The following P2RX1 variants were observed in gnomAD, a reference collection of about 807,000 sequenced individuals.
P2RX1 encodes the protein P2X purinoceptor 1.
P2RX1 carries 42 observed loss-of-function variants against 50.3 expected under a neutral mutation model. The observed-to-expected ratio is 0.83, with a 90% CI of 0.65 to 1.08. P2RX1 has a LOEUF of 1.08. Ranked by LOEUF, P2RX1 falls within the 50% of genes least tolerant of loss-of-function variation. P2RX1 has a pLI of 0.00. For missense variants in P2RX1, 449 were observed against 529.0 expected, an observed-to-expected ratio of 0.85 and a Z score of 1.48; for synonymous variants, 199 against 202.6, an observed-to-expected ratio of 0.98 and a Z score of 0.15.
In P2RX1 at chr17:3,903,597, G is replaced by T. The variant is rs771304901; in HGVS notation, c.559C>A (p.Leu187Ile). Residue 187 changes from leucine to isoleucine, a missense_variant, in exon 6 of 12, where the codon CTT (leucine) becomes ATT (isoleucine). Leu to Ile is a conservative substitution (Grantham distance 5). Coordinates refer to ENST00000225538, the MANE Select transcript of P2RX1 (RefSeq NM_002558.4). This position sits in a 1 kb window ranked among gnomAD's most constrained non-coding sequence, Gnocchi z 4.6. Reference sequence around the variant, plus strand: ...AAGCTGATGCTGTTCTTGATGAAAAGAGTGAAGTTCTCGGCCTCTCGGAGA... The same window carrying T: ...AAGCTGATGCTGTTCTTGATGAAAATAGTGAAGTTCTCGGCCTCTCGGAGA... Reference protein sequence around the residue: ...ALLREAENFTLFIKNSISFPR... With the variant: ...ALLREAENFTIFIKNSISFPR... The T allele has an allele frequency of 5.6e-6, 9 of 1,614,208 alleles. No individual in the cohort carries two copies. Among genetic ancestry groups the T allele is most frequent in the East Asian group, 2.2e-5 (1 of 44,880 alleles).
rs2143941443 is a variant in P2RX1 at position 3,897,371 on chromosome 17, G to A, written c.*443C>T. The A allele has an allele frequency of 3.7e-6, 1 of 269,346 alleles. No homozygotes were observed. The highest frequency in any genetic ancestry group is 7.5e-6 in the Non-Finnish European group (1 of 134,140). 16.7% of individuals were successfully genotyped at this position (269,346 alleles called of 1,614,324 possible). A position where few individuals can be genotyped will look rare whatever the true frequency, so the allele number is the denominator to read the frequency against. On this transcript the variant is annotated 3_prime_UTR_variant, in exon 12 of 12. Coordinates refer to ENST00000225538, the MANE Select transcript of P2RX1 (RefSeq NM_002558.4). ...CGTATCTACTGAGCAGTTGAAATGT[G>A]GCTAGTTCAGCCGAGGAATTGAATT...
intron 1 of P2RX1, among the ~76,000 whole-genome samples, chr17:3,907,874 AG>A (rs113416543): frequency 0.028 from 4,301 of 152,278 alleles, 214 homozygotes; most frequent in African/African-American, 0.097. Flanking sequence ...GAGCTGATGC[AG>A]GGGGGAGGAG....
At chr17:3,901,661 A>G (rs56111644) in intron 7 of P2RX1, among the ~76,000 whole-genome samples, 9,436 of 152,318 alleles carry the variant, frequency 0.062, 991 homozygotes, top group African/African-American at 0.21. Context: ...GGTTATTTTG[A>G]TAACATCACA....
chr17:3,915,058 G>C (rs2056425940), intron 1 of P2RX1, among the ~76,000 whole-genome samples: 1 of 152,142 alleles, frequency 6.6e-6, no homozygotes, highest in African/African-American at 2.4e-5. Flanking sequence ...AGCAGTTCTG[G>C]TTCGGAACCA....
At chr17:3,899,550 CTT>C (rs1466497457) in intron 8 of P2RX1, 82 bp downstream of exon 8, 2 of 1,579,380 alleles carry the variant, frequency 1.3e-6, no homozygotes, top group African/African-American at 2.7e-5. Context: ...TCTGGGGACA[CTT>C]TCTCAGACCT....
Position 3,916,143 on chromosome 17 carries a change from T to A in P2RX1, c.83A>T (p.Lys28Met). 6.2e-7 allele frequency: 1 copy of A among 1,613,618 alleles called. No individual in the cohort carries two copies. Among genetic ancestry groups the A allele is most frequent in the Non-Finnish European group, 8.5e-7 (1 of 1,180,014 alleles). The change falls in exon 1 of 12, where the codon AAG becomes ATG. Residue 28 changes from lysine to methionine, a missense_variant. Transcript: ENST00000225538. ...GATCAGTCGGAAGATAACGCCCACC[T>A]TCTTATTACGCACCAGCACCATGCG... ...TPRMVLVRNK[K>M]VGVIFRLIQL...
intron 1 of P2RX1, among the ~76,000 whole-genome samples, chr17:3,907,334 T>A (rs2056286208): frequency 7.0e-6 from 1 of 143,732 alleles, no homozygotes; most frequent in Admixed American, 7.0e-5. Flanking sequence ...TGTGTTGGGG[T>A]ATGGGGTGTG....
rs2143999558 is a variant in P2RX1 at position 3,903,493 on chromosome 17, G to C, written c.605+58C>G. On this transcript the variant is annotated intron_variant, in intron 6 of 11. Coordinates refer to ENST00000225538, the MANE Select transcript of P2RX1 (RefSeq NM_002558.4). The surrounding 1 kb of genome is among the most constrained non-coding windows in gnomAD (Gnocchi z 4.6). ...AATGGAGGGAGACAGAGACAGCTGAGAGCTGCCGGAGCGGCCCCGGCCAGC... is the reference window on the plus strand; with the variant it reads ...AATGGAGGGAGACAGAGACAGCTGACAGCTGCCGGAGCGGCCCCGGCCAGC... 1.3e-6 allele frequency: 2 copies of C among 1,593,266 alleles called. No individual in the cohort carries two copies. The highest frequency in any genetic ancestry group is 2.2e-5 in the East Asian group (1 of 44,724).
intron 1 of P2RX1, among the ~76,000 whole-genome samples, chr17:3,912,016 A>C (rs2056374378): frequency 6.6e-6 from 1 of 152,232 alleles, no homozygotes; most frequent in Non-Finnish European, 1.5e-5. Flanking sequence ...GGAGTGGCTA[A>C]ACTGGTGAGA....
intron 1 of P2RX1, among the ~76,000 whole-genome samples, chr17:3,908,071 C>T (rs562260638): frequency 2.0e-5 from 3 of 152,178 alleles, no homozygotes; most frequent in Admixed American, 1.3e-4. Context: ...GCTTGAGGCA[C>T]CCAGCCCAGG....
rs767161708 is a variant in P2RX1 at position 3,898,485 on chromosome 17, AC to A, written c.1030del (p.Val344TrpfsTer53). ...TIGSGIGIFG[V>X]ATVLCDLLLL... ...TGAGCCGGTGACCCCAGCACTTACC[AC>A]CCCAAAGATGCCAATTCCAGAGCCG... On this transcript the variant is annotated frameshift_variant and splice_region_variant, in exon 10 of 12. Transcript: ENST00000225538. LOFTEE classifies it high-confidence loss of function. The A allele has an allele frequency of 1.2e-6, 2 of 1,613,364 alleles. No homozygotes were observed. Among genetic ancestry groups the A allele is most frequent in the South Asian group, 1.1e-5 (1 of 91,044 alleles).
At position 3,903,509 on chromosome 17, in the gene P2RX1, C is replaced by A; in HGVS notation, c.605+42G>T. The A allele has an allele frequency of 6.2e-7, 1 of 1,605,150 alleles. No homozygotes were observed. The highest frequency in any genetic ancestry group is 8.5e-7 in the Non-Finnish European group (1 of 1,172,314). On this transcript the variant is annotated intron_variant, in intron 6 of 11. Transcript: ENST00000225538. The surrounding 1 kb of genome is among the most constrained non-coding windows in gnomAD (Gnocchi z 4.6). ...GACAGCTGAGAGCTGCCGGAGCGGC[C>A]CCGGCCAGCTGCCTGCATTTCTGCC...
chr17:3,897,801 T>G lies in P2RX1; in HGVS notation c.*13A>C. 1.9e-6 allele frequency: 3 copies of G among 1,611,788 alleles called. No homozygotes were observed. The East Asian group carries it at 6.7e-5, about 36-fold the overall frequency. Reference sequence around the variant, plus strand: ...CCTCACGCTGCACCCAGTCAGGAGTTGGGGCCCGAGCATCAGGATGTCCTC... The same window carrying G: ...CCTCACGCTGCACCCAGTCAGGAGTGGGGGCCCGAGCATCAGGATGTCCTC... On this transcript the variant is annotated 3_prime_UTR_variant, in exon 12 of 12. Transcript: ENST00000225538.
At position 3,899,907 on chromosome 17, in the gene P2RX1, T is replaced by A. The variant is rs545639068; in HGVS notation, c.748-146A>T. On this transcript the variant is annotated intron_variant, in intron 7 of 11. Coordinates refer to ENST00000225538, the MANE Select transcript of P2RX1 (RefSeq NM_002558.4). Reference sequence around the variant, plus strand: ...CCTGAGGCCAGGAGTTCAAGACCAGTCTGGTCAACAGGGTGAAAACCCGTC... The same window carrying A: ...CCTGAGGCCAGGAGTTCAAGACCAGACTGGTCAACAGGGTGAAAACCCGTC... 71 of 981,118 alleles carry A rather than the reference T, an allele frequency of 7.2e-5. No homozygotes were observed. The Admixed American group carries it at 1.0e-3, about 14-fold the overall frequency. The allele number at this position is 981,118 out of a possible 1,614,324, so 60.8% of individuals were successfully genotyped here.
chr17:3,907,290 C>CGTGTGTGTGTGTGT (rs147411964), intron 1 of P2RX1, among the ~76,000 whole-genome samples: 4,764 of 134,328 alleles, frequency 0.035, 143 homozygotes, highest in African/African-American at 0.066. Flanking sequence ...TTCAGGGTAA[C>CGTGTGTGTGTGTGT]GTGTGTGTGT....
intron 1 of P2RX1, among the ~76,000 whole-genome samples, chr17:3,909,903 T>A (rs1597525991): frequency 6.7e-6 from 1 of 149,792 alleles, no homozygotes; most frequent in Non-Finnish European, 1.5e-5. Context: ...AGTCAAAAAA[T>A]CCTAAGTCAA....
chr17:3,915,521 C>T (rs2052387969), intron 1 of P2RX1: 1 of 456,526 alleles, frequency 2.2e-6, no homozygotes, highest in Admixed American at 2.3e-5. Flanking sequence ...AACTATCATC[C>T]CTGGGACCAG....
At chr17:3,902,925 G>GTTTTTTTTTTTTT (rs555049705) in intron 7 of P2RX1, among the ~76,000 whole-genome samples, 43 of 143,194 alleles carry the variant, frequency 3.0e-4, no homozygotes, top group African/African-American at 1.0e-3. Context: ...CTTTTATCTA[G>GTTTTTTTTTTTTT]TTTTTTTTTT....
At position 3,897,459 on chromosome 17, in the gene P2RX1, C is replaced by G. The variant is rs931370879; in HGVS notation, c.*355G>C. On this transcript the variant is annotated 3_prime_UTR_variant, in exon 12 of 12. Coordinates refer to ENST00000225538, the MANE Select transcript of P2RX1 (RefSeq NM_002558.4). ...CACCTATGGTTACTGACTGCCACAT[C>G]GGAGAGCACAGATCTAGAGAAATGG... 3 of 397,254 alleles carry G rather than the reference C, an allele frequency of 7.6e-6. No individual in the cohort carries two copies. The highest frequency in any genetic ancestry group is 1.4e-5 in the Non-Finnish European group (3 of 211,718). The allele number at this position is 397,254 out of a possible 1,614,324, so 24.6% of individuals were successfully genotyped here.
Sources: gnomAD v4.1 joint callset for allele counts (sites outside exome capture counted in the v4.1 genomes callset) on GRCh38, gnomAD v4.1.1 for gene constraint, Gnocchi (gnomAD v3.1) non-coding constraint, MANE v1.5 for transcripts, NCBI Gene and HGNC (gene_info 2026-07-23, HGNC 2026-07-21) for gene names.